CNTN3: variants seen among roughly 807,000 people sequenced by gnomAD.
CNTN3 encodes contactin-3.
In CNTN3, 60 loss-of-function variants were observed where a neutral mutation model predicts 119.1. The observed-to-expected ratio is 0.50, with a 90% CI of 0.41 to 0.62. The LOEUF is 0.62. Among genes scored for constraint, CNTN3 ranks in the 20% least tolerant of loss-of-function variants. CNTN3 has a pLI of 0.00. For synonymous variants in CNTN3, 450 were observed against 438.7 expected (o/e 1.03, Z -0.32); for missense variants, 1,101 against 1,242.4 (o/e 0.89, Z 1.71).
At chr3:74,477,527 T>C (rs1258925186) in intron 4 of CNTN3, among the ~76,000 whole-genome samples, 1 of 152,012 alleles carries the variant, frequency 6.6e-6, no homozygotes, top group East Asian at 1.9e-4. Flanking sequence ...TTGTGGGATC[T>C]AAAAATAAAA....
intron 1 of CNTN3, among the ~76,000 whole-genome samples, chr3:74,522,575 C>T (rs912998502): frequency 1.3e-5 from 2 of 151,690 alleles, no homozygotes; most frequent in Non-Finnish European, 2.9e-5. Flanking sequence ...GGAAGGCAGC[C>T]TAGAAAGGGT....
At chr3:74,422,973 T>C (rs1163502108) in intron 5 of CNTN3, among the ~76,000 whole-genome samples, 1 of 151,888 alleles carries the variant, frequency 6.6e-6, no homozygotes, top group Admixed American at 6.6e-5. Flanking sequence ...TCAGGAGCCA[T>C]AGAGAAACAG....
rs118047774 is a variant in CNTN3, at chr3:74,512,138, T to A, written c.55+8920A>T. ...CAATGCAATAAATGTTATTTGATAT[T>A]ATTATTGCATATTGTTTACTTAGCA... On this transcript the variant is annotated intron_variant, in intron 2 of 22. Transcript: ENST00000263665. Among the ~76,000 whole-genome samples the A allele has an allele frequency of 5.5e-4, 84 of 152,286 alleles. 1 individual carries two copies. In the East Asian group the frequency reaches 0.014, roughly 26 times the overall value.
At chr3:74,366,772 G>A (rs1436177601) in intron 8 of CNTN3, among the ~76,000 whole-genome samples, 9 of 43,488 alleles carry the variant, frequency 2.1e-4, no homozygotes, top group African/African-American at 1.0e-3. Flanking sequence ...GTGTGTGTGT[G>A]TGTGTGTGTA....
chr3:74,586,291 T>C (rs572375759), intron 1 of CNTN3, among the ~76,000 whole-genome samples: 15 of 152,132 alleles, frequency 9.9e-5, no homozygotes, highest in East Asian at 5.8e-4. Context: ...ATCAAAAAAA[T>C]ATAAAGTCAT....
In CNTN3 at chr3:74,263,230, A is replaced by G. The variant is rs757018671; in HGVS notation, c.*1171T>C. 24 of 152,154 alleles carry G rather than the reference A, an allele frequency of 1.6e-4. No individual in the cohort carries two copies. The highest frequency in any genetic ancestry group is 3.9e-4 in the Admixed American group (6 of 15,258). The allele number at this position is 152,154 out of a possible 1,614,324, so 9.4% of individuals were successfully genotyped here. On this transcript the variant is annotated 3_prime_UTR_variant, in exon 23 of 23. Coordinates refer to ENST00000263665, the MANE Select transcript of CNTN3 (RefSeq NM_020872.3). ...AAACCACATATTGAAAGACTGAGTC[A>G]TACATATCAAAGTCAGCAGCATTGC...
At chr3:74,539,539 T>C (rs561167241) in intron 1 of CNTN3, among the ~76,000 whole-genome samples, 4 of 152,054 alleles carry the variant, frequency 2.6e-5, no homozygotes, top group African/African-American at 9.6e-5. Context: ...CCTCCTGAAA[T>C]AGCCACGTGA....
intron 13 of CNTN3, among the ~76,000 whole-genome samples, chr3:74,326,251 CAGGG>C (rs1470124435): frequency 6.6e-6 from 1 of 152,012 alleles, no homozygotes; most frequent in Non-Finnish European, 1.5e-5. Context: ...TCTATCTTTT[CAGGG>C]AGGTTTTGTC....
chr3:74,393,358 T>G (rs1704961985), intron 5 of CNTN3, among the ~76,000 whole-genome samples: 1 of 152,246 alleles, frequency 6.6e-6, no homozygotes, highest in Admixed American at 6.5e-5. Flanking sequence ...TGATTGTTGG[T>G]GTTTAAATGT....
At position 74,266,501 on chromosome 3, in the gene CNTN3, A is replaced by T; in HGVS notation, c.2966T>A (p.Ile989Asn). ...DGGDGTSSEQIRIPRITSMDA... is the reference protein window; with the variant it reads ...DGGDGTSSEQNRIPRITSMDA... ...CTTACTGGTTATTCGTGGAATCCTG[A>T]TCTGTTCACTACTGGTCCCATCCCC... The change falls in exon 22 of 23, where the codon ATC becomes AAC. Residue 989 changes from isoleucine (I) to asparagine (N), a missense_variant. Ile to Asn is a moderately radical substitution (Grantham distance 149, BLOSUM62 -3). Coordinates refer to ENST00000263665, the MANE Select transcript of CNTN3 (RefSeq NM_020872.3). The T allele has an allele frequency of 6.2e-7, 1 of 1,613,304 alleles. No homozygotes were observed. The highest frequency in any genetic ancestry group is 8.5e-7 in the Non-Finnish European group (1 of 1,179,462).
rs9810746 is a variant in CNTN3 at position 74,274,421 on chromosome 3, C to G, written c.2705-7043G>C. 4.0e-3 allele frequency among the ~76,000 whole-genome samples: 604 copies of G among 152,246 alleles called. 7 individuals are homozygous for G. The highest frequency in any genetic ancestry group is 0.014 in the African/African-American group (575 of 41,534). On this transcript the variant is annotated intron_variant, in intron 20 of 22. Transcript: ENST00000263665. ...CCATTTCACAGCCCCGCCACCTCCA[C>G]TGGAACAGGTGCTGGTATCCATGGC...
At chr3:74,447,521 C>T (rs2106940298) in intron 4 of CNTN3, among the ~76,000 whole-genome samples, 1 of 152,254 alleles carries the variant, frequency 6.6e-6, no homozygotes, top group South Asian at 2.1e-4. Context: ...AAAGATGGCT[C>T]TTGTCAATTA....
chr3:74,327,894 TTC>T (rs973053528), intron 13 of CNTN3, among the ~76,000 whole-genome samples: 2 of 151,746 alleles, frequency 1.3e-5, no homozygotes, highest in Non-Finnish European at 2.9e-5. Flanking sequence ...GTTTTTACAT[TTC>T]TTTTTTATCT....
chr3:74,325,753 A>G (rs1703112268), intron 13 of CNTN3, among the ~76,000 whole-genome samples: 1 of 152,162 alleles, frequency 6.6e-6, no homozygotes, highest in Non-Finnish European at 1.5e-5. Flanking sequence ...TGTAACTGAG[A>G]CAGAGATAAA....
intron 4 of CNTN3, among the ~76,000 whole-genome samples, chr3:74,471,450 C>T (rs750520449): frequency 2.8e-4 from 43 of 152,138 alleles, no homozygotes; most frequent in South Asian, 1.7e-3. Flanking sequence ...AAATCATGAA[C>T]TCTATAAACA....
chr3:74,486,437 C>T lies in CNTN3; in HGVS notation c.358+19G>A, dbSNP rs749429672. On this transcript the variant is annotated intron_variant, in intron 4 of 22. Coordinates refer to ENST00000263665, the MANE Select transcript of CNTN3 (RefSeq NM_020872.3). ...ATTTTCTAATGTTGGATTTGCTAGA[C>T]ATGTGAACATAAACTTACAGGCAAA... The T allele has an allele frequency of 6.7e-5, 105 of 1,571,950 alleles. No individual in the cohort carries two copies. The highest frequency in any genetic ancestry group is 8.5e-5 in the Non-Finnish European group (99 of 1,167,248).
intron 1 of CNTN3, among the ~76,000 whole-genome samples, chr3:74,544,325 TC>T (rs543795279): frequency 1.2e-4 from 18 of 152,232 alleles, no homozygotes; most frequent in Non-Finnish European, 2.5e-4. Flanking sequence ...AAAGAGCCTT[TC>T]TGCGTTTTCA....
chr3:74,336,474 A>G, intron 12 of CNTN3, 57 bp downstream of exon 12: 1 of 1,567,752 alleles, frequency 6.4e-7, no homozygotes, highest in Admixed American at 1.7e-5. Flanking sequence ...CTTTCCTCAT[A>G]ATAATACATC....
chr3:74,573,909 C>A (rs1704373033), intron 1 of CNTN3, among the ~76,000 whole-genome samples: 1 of 151,990 alleles, frequency 6.6e-6, no homozygotes, highest in Admixed American at 6.6e-5. Flanking sequence ...AAAAGTTAAA[C>A]CTAGAGTTAC....
Sources: allele counts gnomAD v4.1 joint callset (sites outside exome capture counted in the v4.1 genomes callset), GRCh38; gene constraint gnomAD v4.1.1; transcripts MANE v1.5; gene names NCBI Gene and HGNC (gene_info 2026-07-23, HGNC 2026-07-21).